The following CTNNA2 variants were observed in gnomAD, a reference collection of about 807,000 sequenced individuals.
CTNNA2 encodes the protein catenin alpha 2, also known as catenin alpha-2.
CTNNA2 carries 42 observed loss-of-function variants against 101.0 expected under a neutral mutation model. The ratio of observed to expected loss-of-function variants is 0.42; its 90% CI spans 0.32 to 0.54. CTNNA2 has a LOEUF of 0.54. CTNNA2 is among the 20% of genes least tolerant of loss of function. The pLI, the probability that CTNNA2 is intolerant of heterozygous loss-of-function variation, is 0.14. For missense variants in CTNNA2, 871 were observed against 1,223.1 expected, an observed-to-expected ratio of 0.71 and a Z score of 4.29; for synonymous variants, 450 against 456.4, an observed-to-expected ratio of 0.99 and a Z score of 0.18.
chr2:79,836,425 G>A (rs929644735), intron 3 of CTNNA2, among the ~76,000 whole-genome samples: 2 of 152,184 alleles, frequency 1.3e-5, no homozygotes, highest in African/African-American at 4.8e-5. Context: ...ACTTTCAAAT[G>A]TTTTATTTAG....
intron 7 of CTNNA2, among the ~76,000 whole-genome samples, chr2:80,260,622 A>G (rs779538369): frequency 6.6e-6 from 1 of 152,194 alleles, no homozygotes; most frequent in Non-Finnish European, 1.5e-5. Context: ...CACATAAACC[A>G]ATGGAAGAAT....
chr2:80,154,867 G>A (rs1703916281), intron 7 of CTNNA2, among the ~76,000 whole-genome samples: 3 of 151,988 alleles, frequency 2.0e-5, no homozygotes. Flanking sequence ...CAAGACATTT[G>A]TTCATATGAT....
At chr2:79,217,051 T>C (rs1163839116) in intron 2 of CTNNA2, among the ~76,000 whole-genome samples, 3 of 152,006 alleles carry the variant, frequency 2.0e-5, no homozygotes, top group Non-Finnish European at 4.4e-5. Flanking sequence ...ATGAAAGGAA[T>C]TGAAATTAAG....
intron 7 of CTNNA2, among the ~76,000 whole-genome samples, chr2:80,239,800 T>C (rs1304363311): frequency 6.6e-6 from 1 of 151,706 alleles, no homozygotes; most frequent in Non-Finnish European, 1.5e-5. Context: ...TAATTCCAGC[T>C]ACTCGGGAGG....
At chr2:80,579,164 G>A (rs534354036) in intron 13 of CTNNA2, 8 of 152,236 alleles carry the variant, frequency 5.3e-5, no homozygotes, top group South Asian at 2.1e-4. Flanking sequence ...CTGAGTCCTC[G>A]TCCAGGTTAA....
chr2:79,333,355 C>T (rs1412472674), intron 3 of CTNNA2, among the ~76,000 whole-genome samples: 1 of 152,060 alleles, frequency 6.6e-6, no homozygotes, highest in African/African-American at 2.4e-5. Context: ...ACACAGGTCC[C>T]AGTACAGTTT....
chr2:79,333,200 C>G (rs571453994), intron 3 of CTNNA2, among the ~76,000 whole-genome samples: 1 of 150,388 alleles, frequency 6.6e-6, no homozygotes, highest in African/African-American at 2.5e-5. Context: ...TCAAGCAACA[C>G]CATCTACACA....
intron 3 of CTNNA2, among the ~76,000 whole-genome samples, chr2:79,790,005 T>G (rs1019753418): frequency 6.6e-6 from 1 of 151,926 alleles, no homozygotes; most frequent in Admixed American, 6.6e-5. Flanking sequence ...ACAGATCATA[T>G]GAATAAAGAA....
intron 18 of CTNNA2, among the ~76,000 whole-genome samples, chr2:80,642,619 C>A (rs1036517772): frequency 6.6e-6 from 1 of 152,288 alleles, no homozygotes; most frequent in East Asian, 1.9e-4. Flanking sequence ...ATGTGGTTGA[C>A]TTCTGCAGTC....
rs189232311 is a variant in CTNNA2 at position 79,663,607 on chromosome 2, G to A, written c.102+11949G>A. Among the ~76,000 whole-genome samples, 34 of 152,038 alleles carry A rather than the reference G, an allele frequency of 2.2e-4. No individual in the cohort carries two copies. The East Asian group carries it at 6.6e-3, about 29-fold the overall frequency. On this transcript the variant is annotated intron_variant, in intron 2 of 18. Coordinates refer to ENST00000402739, the MANE Select transcript of CTNNA2 (RefSeq NM_001282597.3). ...TTCGGCTACCATGTATCATTCTCCC[G>A]ACCTCACAGAGACCTTTTCTGACCA...
At chr2:80,225,725 G>T (rs1708850943) in intron 7 of CTNNA2, among the ~76,000 whole-genome samples, 1 of 152,010 alleles carries the variant, frequency 6.6e-6, no homozygotes, top group African/African-American at 2.4e-5. Flanking sequence ...TTTTCCTGAG[G>T]AATTAGATTT....
In CTNNA2 at chr2:80,358,004, A is replaced by T. The variant is rs541637036; in HGVS notation, c.1057-35207A>T. Reference sequence around the variant, plus strand: ...TGGGGCTGCCTAACTTCTAGTCTTCATGAAGGTAGGCTCTGTGGGGGCAGA... The same window carrying T: ...TGGGGCTGCCTAACTTCTAGTCTTCTTGAAGGTAGGCTCTGTGGGGGCAGA... On this transcript the variant is annotated intron_variant, in intron 7 of 18. Coordinates refer to ENST00000402739, the MANE Select transcript of CTNNA2 (RefSeq NM_001282597.3). Among the ~76,000 whole-genome samples the T allele has an allele frequency of 5.3e-5, 8 of 152,274 alleles. No homozygotes were observed. The East Asian group carries it at 9.7e-4, about 18-fold the overall frequency.
chr2:79,232,474 C>T (rs1048398849), intron 2 of CTNNA2, among the ~76,000 whole-genome samples: 3 of 152,116 alleles, frequency 2.0e-5, no homozygotes, highest in Admixed American at 2.0e-4. Flanking sequence ...TACCTATGTT[C>T]ATCAGGGATA....
chr2:80,343,672 G>T (rs1162515932), intron 7 of CTNNA2, among the ~76,000 whole-genome samples: 1 of 152,096 alleles, frequency 6.6e-6, no homozygotes, highest in African/African-American at 2.4e-5. Context: ...AGAAAAATAG[G>T]ACTGGAACCC....
intron 7 of CTNNA2, among the ~76,000 whole-genome samples, chr2:80,004,531 T>C (rs1469972356): frequency 6.6e-6 from 1 of 152,158 alleles, no homozygotes; most frequent in Non-Finnish European, 1.5e-5. Flanking sequence ...ATGCTTTACC[T>C]GCATTTTCTA....
At chr2:79,542,881 T>C (rs1233260479) in intron 1 of CTNNA2, among the ~76,000 whole-genome samples, 2 of 152,184 alleles carry the variant, frequency 1.3e-5, no homozygotes, top group Non-Finnish European at 2.9e-5. Context: ...AGTGCATTTC[T>C]CTGCTTAATG....
rs1459898516 is a variant in CTNNA2 at position 80,059,469 on chromosome 2, T to G, written c.1056+149672T>G. ...AGCCTCCTTGACTAAGCCACTAGTA[T>G]TTTGCTTCCTTCACAACTGACAGCT... is the stretch of plus-strand genomic sequence containing the variant. On this transcript the variant is annotated intron_variant, in intron 7 of 18. Coordinates refer to ENST00000402739, the MANE Select transcript of CTNNA2 (RefSeq NM_001282597.3). Among the ~76,000 whole-genome samples, 5 of 152,220 alleles carry G rather than the reference T, an allele frequency of 3.3e-5. No homozygotes were observed. In the East Asian group the frequency reaches 9.6e-4, roughly 29 times the overall value.
rs114629651 is a variant in CTNNA2, at chr2:79,195,572, C to A, written c.-523-2387C>A. On this transcript the variant is annotated intron_variant, in intron 1 of 21. Coordinates refer to the CTNNA2 transcript ENST00000466387. ...AAAGAAATGTATTTGCTGCCTGCTT[C>A]AGACCAGGAAACCAACCCTGTTGTA... 4.9e-3 allele frequency among the ~76,000 whole-genome samples: 748 copies of A among 152,302 alleles called. 5 individuals carry two copies. The highest frequency in any genetic ancestry group is 0.017 in the African/African-American group (723 of 41,564).
At chr2:80,077,464 A>G (rs960822150) in intron 7 of CTNNA2, among the ~76,000 whole-genome samples, 1 of 152,012 alleles carries the variant, frequency 6.6e-6, no homozygotes, top group African/African-American at 2.4e-5. Context: ...AACAACAACT[A>G]GCGGTTAGGC....
Sources: allele counts gnomAD v4.1 joint callset (sites outside exome capture counted in the v4.1 genomes callset), GRCh38; gene constraint gnomAD v4.1.1; transcripts MANE v1.5; gene names NCBI Gene and HGNC (gene_info 2026-07-23, HGNC 2026-07-21).